FRMD6: variants seen among roughly 807,000 people sequenced by gnomAD.
FRMD6 encodes FERM domain containing 6.
A neutral mutation model predicts 73.2 loss-of-function variants in FRMD6; 37 were observed. That is an observed-to-expected ratio of 0.51 (90% confidence interval 0.39 to 0.66). FRMD6 has a LOEUF of 0.66. Ranked by LOEUF, FRMD6 falls within the 30% of genes least tolerant of loss-of-function variation. The pLI is 0.00. For missense variants in FRMD6, 714 were observed against 780.5 expected (o/e 0.91, Z 1.02); for synonymous variants, 273 against 282.2 (o/e 0.97, Z 0.33).
intron 9 of FRMD6, 142 bp from the exon 10 acceptor site, chr14:51,715,183 A>G (rs1387173725): frequency 1.1e-5 from 7 of 653,370 alleles, no homozygotes; most frequent in Non-Finnish European, 1.6e-5. Flanking sequence ...AGGAAAAACA[A>G]TAATTTATCC....
At chr14:51,640,612 G>A (rs1891767440) in intron 2 of FRMD6, among the ~76,000 whole-genome samples, 1 of 152,124 alleles carries the variant, frequency 6.6e-6, no homozygotes, top group Non-Finnish European at 1.5e-5. Flanking sequence ...GTCTTCATGA[G>A]AATTTGAGTA....
At chr14:51,643,854 CA>C (rs1203165796) in intron 2 of FRMD6, 9 of 152,174 alleles carry the variant, frequency 5.9e-5, no homozygotes, top group African/African-American at 1.9e-4. Flanking sequence ...CGTATCTCAT[CA>C]AAATGTTTTG....
intron 1 of FRMD6, among the ~76,000 whole-genome samples, chr14:51,556,593 G>A (rs1171707413): frequency 6.6e-6 from 1 of 152,210 alleles, no homozygotes; most frequent in Non-Finnish European, 1.5e-5. Flanking sequence ...TGGTGGTGGG[G>A]AGGGAGGCGA....
chr14:51,594,574 C>T lies in FRMD6; in HGVS notation c.-147+24164C>T, dbSNP rs535637554. On this transcript the variant is annotated intron_variant, in intron 2 of 14. Transcript: ENST00000356218. ...GAACTCCCGACCTCAAGTGATCCAC[C>T]CGCCTCGGCCTCCCAAAGTGCTGAG... Among the ~76,000 whole-genome samples the T allele has an allele frequency of 2.0e-5, 3 of 152,242 alleles. No individual in the cohort carries two copies. The South Asian group carries it at 6.2e-4, about 32-fold the overall frequency.
chr14:51,712,990 A>C (rs1897027580), intron 9 of FRMD6, among the ~76,000 whole-genome samples: 1 of 152,202 alleles, frequency 6.6e-6, no homozygotes, highest in African/African-American at 2.4e-5. Flanking sequence ...TTTTAAAGAG[A>C]GGTCTGCAGT....
intron 1 of FRMD6, among the ~76,000 whole-genome samples, chr14:51,507,486 G>A (rs537438493): frequency 1.3e-5 from 2 of 152,188 alleles, no homozygotes; most frequent in African/African-American, 2.4e-5. Flanking sequence ...ATTAGGTAGA[G>A]ACCCTGAATA....
the FRMD6 span, among the ~76,000 whole-genome samples, chr14:51,401,509 A>G: frequency 6.6e-6 from 1 of 152,178 alleles, no homozygotes; most frequent in African/African-American, 2.4e-5. Context: ...TCTGCAAGGA[A>G]CATTTTGAAC....
chr14:51,450,729 CCAAA>C, the FRMD6 span, among the ~76,000 whole-genome samples: 2 of 151,978 alleles, frequency 1.3e-5, no homozygotes, highest in Admixed American at 6.5e-5. Context: ...ATCATTTGGG[CCAAA>C]CAAACCATGA....
At chr14:51,651,746 G>A (rs1466995026), upstream of FRMD6, 1 of 147,004 alleles carries the variant, frequency 6.8e-6, no homozygotes, top group Non-Finnish European at 1.5e-5. Flanking sequence ...CGCGAGCTCA[G>A]CGCGCAGCTC....
At chr14:51,710,371 C>T (rs959075274) in intron 7 of FRMD6, among the ~76,000 whole-genome samples, 3 of 152,038 alleles carry the variant, frequency 2.0e-5, no homozygotes, top group East Asian at 1.9e-4. Flanking sequence ...AAAAAAAACC[C>T]GTTTTGTGCC....
the FRMD6 span, among the ~76,000 whole-genome samples, chr14:51,473,443 C>T: frequency 6.6e-6 from 1 of 152,206 alleles, no homozygotes; most frequent in Non-Finnish European, 1.5e-5. Context: ...GAGGTCACAG[C>T]TTCTGACCAA....
chr14:51,686,006 C>T (rs147287540), intron 1 of FRMD6, among the ~76,000 whole-genome samples: 72 of 152,286 alleles, frequency 4.7e-4, no homozygotes, highest in Non-Finnish European at 8.8e-4. Context: ...TACATGCCTA[C>T]TTAGTCATGC....
intron 1 of FRMD6, among the ~76,000 whole-genome samples, chr14:51,530,697 G>A (rs963065299): frequency 2.6e-5 from 4 of 151,888 alleles, no homozygotes; most frequent in African/African-American, 9.7e-5. Context: ...ATGTTGCCTA[G>A]GCTGGTCTTG....
the FRMD6 span, among the ~76,000 whole-genome samples, chr14:51,446,713 A>G: frequency 6.6e-6 from 1 of 152,196 alleles, no homozygotes; most frequent in Non-Finnish European, 1.5e-5. Context: ...GTGCATCACT[A>G]GTGAAGTTTA....
the FRMD6 span, chr14:51,436,531 CA>C: frequency 1.5e-6 from 1 of 657,240 alleles, no homozygotes; most frequent in South Asian, 1.6e-5. Context: ...GATCCATCTT[CA>C]AAGTCCACTG....
chr14:51,726,175 C>T (rs1156833000), intron 13 of FRMD6, among the ~76,000 whole-genome samples: 3 of 152,150 alleles, frequency 2.0e-5, no homozygotes, highest in Non-Finnish European at 4.4e-5. Context: ...GTGTGTGTTG[C>T]TTGTCCTCAA....
At chr14:51,475,406 C>T in the FRMD6 span, among the ~76,000 whole-genome samples, 13,429 of 152,200 alleles carry the variant, frequency 0.088, 938 homozygotes, top group Admixed American at 0.2. Context: ...ACTTTTGCTA[C>T]GAGCTGATTT....
rs761981085 is a variant in FRMD6, at chr14:51,708,010, T to G, written c.559-68T>G. ...TTAGCTTCTCATTCTTTCATCATTT[T>G]GGGGGTGGGGGTAGAACTTACATCT... On this transcript the variant is annotated intron_variant, in intron 6 of 13. Coordinates refer to ENST00000344768, the MANE Select transcript of FRMD6 (RefSeq NM_001267046.2). 1.4e-3 allele frequency: 2,045 copies of G among 1,451,446 alleles called. 3 individuals carry two copies. The highest frequency in any genetic ancestry group is 1.9e-3 in the Non-Finnish European group (1,935 of 1,042,442). 89.9% of individuals were successfully genotyped at this position (1,451,446 alleles called of 1,614,324 possible). A position where few individuals can be genotyped will look rare whatever the true frequency, so the allele number is the denominator to read the frequency against.
chr14:51,564,624 TC>T (rs1887676259), intron 1 of FRMD6, among the ~76,000 whole-genome samples: 1 of 152,216 alleles, frequency 6.6e-6, no homozygotes, highest in African/African-American at 2.4e-5. Flanking sequence ...TAATTAACAA[TC>T]CTCTTCTGAA....
Sources: allele counts gnomAD v4.1 joint callset (sites outside exome capture counted in the v4.1 genomes callset), GRCh38; gene constraint gnomAD v4.1.1; transcripts MANE v1.5; gene names NCBI Gene and HGNC (gene_info 2026-07-23, HGNC 2026-07-21).